GOLGA8B: variants seen among roughly 807,000 people sequenced by gnomAD.
The protein encoded by GOLGA8B is golgin A8 family member B.
Under a neutral mutation model 15.6 loss-of-function variants are expected in GOLGA8B, and 1 was observed. The observed-to-expected ratio is 0.06, with a 90% CI of 0.02 to 0.30. The LOEUF (loss-of-function observed/expected upper bound fraction) is 0.30, where lower values mean the gene tolerates loss of function less well. Ranked by LOEUF, GOLGA8B falls within the 10% of genes least tolerant of loss-of-function variation. GOLGA8B has a pLI of 1.00. For synonymous variants in GOLGA8B, 9 were observed against 80.3 expected, an observed-to-expected ratio of 0.11 and a Z score of 4.75; for missense variants, 17 against 201.3, an observed-to-expected ratio of 0.08 and a Z score of 5.54.
At chr15:34,554,565 ACAC>A (rs1344311347) in intron 1 of GOLGA8B, among the ~76,000 whole-genome samples, 1 of 119,272 alleles carries the variant, frequency 8.4e-6, no homozygotes, top group Non-Finnish European at 1.8e-5. Context: ...CACTCCACAC[ACAC>A]CACACGCACA....
chr15:34,569,254 T>C (rs1352347756), intron 1 of GOLGA8B, among the ~76,000 whole-genome samples: 1 of 143,158 alleles, frequency 7.0e-6, no homozygotes, highest in African/African-American at 2.5e-5. Context: ...ATGGGGCATT[T>C]GGGGACCGCA....
At chr15:34,550,109 C>CA (rs1205089809) in intron 4 of GOLGA8B, among the ~76,000 whole-genome samples, 1 of 6,364 alleles carries the variant, frequency 1.6e-4, no homozygotes, top group Non-Finnish European at 3.2e-4. Flanking sequence ...ACTTGCCTAA[C>CA]AATTCATTCC....
intron 1 of GOLGA8B, among the ~76,000 whole-genome samples, chr15:34,560,169 TGTGA>T (rs199979146): frequency 0.079 from 11,647 of 147,742 alleles, 145 homozygotes; most frequent in East Asian, 0.22. Flanking sequence ...GGTCATGCCT[TGTGA>T]GTGTCATTAA....
At chr15:34,570,360 C>T (rs1296101716) in intron 1 of GOLGA8B, among the ~76,000 whole-genome samples, 6 of 143,212 alleles carry the variant, frequency 4.2e-5, no homozygotes, top group African/African-American at 1.5e-4. Flanking sequence ...GGAGAAACCA[C>T]TCCCTAAGAC....
intron 1 of GOLGA8B, among the ~76,000 whole-genome samples, chr15:34,579,527 G>T (rs1362111703): frequency 6.6e-6 from 1 of 152,162 alleles, no homozygotes; most frequent in Non-Finnish European, 1.5e-5. Flanking sequence ...ATCCAAAAAG[G>T]AATCTCAGTG....
intron 1 of GOLGA8B, among the ~76,000 whole-genome samples, chr15:34,572,293 C>A (rs1373336047): frequency 6.6e-6 from 1 of 152,210 alleles, no homozygotes; most frequent in African/African-American, 2.4e-5. Flanking sequence ...ACCATTCAGC[C>A]CCGCAAGTCC....
intron 1 of GOLGA8B, among the ~76,000 whole-genome samples, chr15:34,562,814 C>A (rs1228280492): frequency 1.0e-4 from 7 of 67,854 alleles, no homozygotes; most frequent in Non-Finnish European, 1.7e-4. Flanking sequence ...TCACTTGAGC[C>A]CAGGAGCTCA....
Position 34,526,069 on chromosome 15 carries a change from G to A in GOLGA8B, c.*1563C>T, listed in dbSNP as rs115263952. On this transcript the variant is annotated 3_prime_UTR_variant, in exon 24 of 24. Transcript: ENST00000683415. Reference sequence around the variant, plus strand: ...TGATTGAAATGCATTCACTCATCACGCATAGGCACAATCACAGAAATATTG... The same window carrying A: ...TGATTGAAATGCATTCACTCATCACACATAGGCACAATCACAGAAATATTG... 24,406 of 149,272 alleles carry A rather than the reference G, an allele frequency of 0.16. 3,875 individuals are homozygous for A. The highest frequency in any genetic ancestry group is 0.28 in the Admixed American group (4,079 of 14,678). 9.2% of individuals were successfully genotyped at this position (149,272 alleles called of 1,614,324 possible).
At chr15:34,579,287 A>G (rs369470571) in intron 1 of GOLGA8B, among the ~76,000 whole-genome samples, 32 of 152,036 alleles carry the variant, frequency 2.1e-4, no homozygotes, top group African/African-American at 5.5e-4. Flanking sequence ...GAGAGAGTCA[A>G]GCAGGAGGAG....
At chr15:34,550,845 A>C (rs1888371918) in intron 4 of GOLGA8B, among the ~76,000 whole-genome samples, 1 of 140,574 alleles carries the variant, frequency 7.1e-6, no homozygotes, top group Non-Finnish European at 1.5e-5. Context: ...AATCTAAAAA[A>C]TTAGCCTGGT....
intron 1 of GOLGA8B, among the ~76,000 whole-genome samples, chr15:34,557,191 C>A (rs1243457488): frequency 6.0e-5 from 7 of 116,788 alleles, no homozygotes; most frequent in African/African-American, 2.4e-4. Flanking sequence ...CTCAGACCAG[C>A]AGGGCAGTGG....
chr15:34,572,386 C>T (rs191349834), intron 1 of GOLGA8B, among the ~76,000 whole-genome samples: 56 of 152,274 alleles, frequency 3.7e-4, no homozygotes, highest in African/African-American at 1.2e-3. Context: ...CAGCATTCTC[C>T]GTGAGTGTGA....
At chr15:34,579,802 A>G (rs1016221201) in intron 1 of GOLGA8B, among the ~76,000 whole-genome samples, 4 of 152,202 alleles carry the variant, frequency 2.6e-5, no homozygotes, top group Non-Finnish European at 5.9e-5. Flanking sequence ...CACTCATCCA[A>G]CAACAGCACT....
Position 34,527,403 on chromosome 15 carries a change from T to G in GOLGA8B, c.*229A>C. ...ATGCTAATGACCTACAATTATGAAATGAAAAAAGAAAAATGCTAAAGGATG... is the reference window on the plus strand; with the variant it reads ...ATGCTAATGACCTACAATTATGAAAGGAAAAAAGAAAAATGCTAAAGGATG... On this transcript the variant is annotated 3_prime_UTR_variant, in exon 24 of 24. Coordinates refer to ENST00000683415, the MANE Select transcript of GOLGA8B (RefSeq NM_001023567.5). 1.8e-6 allele frequency: 1 copy of G among 562,218 alleles called. No individual in the cohort carries two copies. The highest frequency in any genetic ancestry group is 3.9e-5 in the Admixed American group (1 of 25,626). The allele number at this position is 562,218 out of a possible 1,614,324, so 34.8% of individuals were successfully genotyped here.
At chr15:34,576,122 T>C (rs1395898130) in intron 1 of GOLGA8B, among the ~76,000 whole-genome samples, 1 of 152,174 alleles carries the variant, frequency 6.6e-6, no homozygotes, top group Non-Finnish European at 1.5e-5. Flanking sequence ...TAAGCCACCC[T>C]ATGTGATGGA....
intron 1 of GOLGA8B, among the ~76,000 whole-genome samples, chr15:34,582,044 G>A (rs1284202925): frequency 1.3e-4 from 20 of 152,136 alleles, no homozygotes. Context: ...CAGCCCTCCT[G>A]CCCCGCAGTT....
intron 1 of GOLGA8B, among the ~76,000 whole-genome samples, chr15:34,568,944 C>T (rs1444525003): frequency 6.8e-6 from 1 of 147,994 alleles, no homozygotes; most frequent in African/African-American, 2.6e-5. Context: ...TGCGCTTGTG[C>T]GCTCTCTCTC....
At position 34,568,797 on chromosome 15, in the gene GOLGA8B, CT is replaced by C. The variant is rs1443166928; in HGVS notation, c.-1123+14718del. The stretch of plus-strand genomic sequence containing the variant: ...GTATATTGACTCATAAAAATACCTT[CT>C]GGGAAGCATGTGACTGATTTCCAGC... On this transcript the variant is annotated intron_variant, in intron 1 of 23. Coordinates refer to ENST00000683415, the MANE Select transcript of GOLGA8B (RefSeq NM_001023567.5). Among the ~76,000 whole-genome samples the C allele has an allele frequency of 4.4e-5, 4 of 89,982 alleles. No homozygotes were observed. The East Asian group carries it at 1.3e-3, about 29-fold the overall frequency. The allele number at this position is 89,982 out of a possible 152,430, so 59.0% of individuals were successfully genotyped here. A position where few individuals can be genotyped will look rare whatever the true frequency, so the allele number is the denominator to read the frequency against.
At chr15:34,581,194 G>C (rs1203120490) in intron 1 of GOLGA8B, among the ~76,000 whole-genome samples, 1 of 152,202 alleles carries the variant, frequency 6.6e-6, no homozygotes, top group Non-Finnish European at 1.5e-5. Context: ...TAAGTCACTG[G>C]GGCAGGTATG....
Sources: allele counts gnomAD v4.1 joint callset (sites outside exome capture counted in the v4.1 genomes callset), GRCh38; gene constraint gnomAD v4.1.1; transcripts MANE v1.5; gene names NCBI Gene and HGNC (gene_info 2026-07-23, HGNC 2026-07-21).